SNX29: variants seen among roughly 807,000 people sequenced by gnomAD.
SNX29 encodes the protein sorting nexin-29.
A neutral mutation model predicts 102.1 loss-of-function variants in SNX29; 78 were observed. The ratio of observed to expected loss-of-function variants is 0.76; its 90% CI spans 0.64 to 0.92. The LOEUF (loss-of-function observed/expected upper bound fraction) is 0.92. Among genes scored for constraint, SNX29 ranks in the 40% least tolerant of loss-of-function variants. SNX29 has a pLI of 0.00. For synonymous variants in SNX29, 580 were observed against 414.5 expected, an observed-to-expected ratio of 1.40 and a Z score of -4.85; for missense variants, 1,280 against 1,061.7, an observed-to-expected ratio of 1.21 and a Z score of -2.86.
chr16:12,044,901 A>G (rs148964472), intron 5 of SNX29, among the ~76,000 whole-genome samples: 33 of 152,198 alleles, frequency 2.2e-4, no homozygotes, highest in African/African-American at 7.9e-4. Flanking sequence ...TTTCGAAGTG[A>G]ATTTCTGTGA....
intron 20 of SNX29, among the ~76,000 whole-genome samples, chr16:12,525,465 G>C (rs1156393984): frequency 1.3e-5 from 2 of 152,172 alleles, no homozygotes; most frequent in African/African-American, 2.4e-5. Flanking sequence ...CTGAGGTCGG[G>C]AGTTCGAGAC....
Position 12,353,579 on chromosome 16 carries a change from C to G in SNX29, c.1783-2584C>G, listed in dbSNP as rs113013852. 4.8e-3 allele frequency among the ~76,000 whole-genome samples: 729 copies of G among 152,342 alleles called. 5 individuals are homozygous for G. The highest frequency in any genetic ancestry group is 0.017 in the African/African-American group (707 of 41,568). On this transcript the variant is annotated intron_variant, in intron 15 of 20. Transcript: ENST00000566228. ...CTTGCACCAAGGCCCGATGCCTGAA[C>G]CACCTCTCTCCGCCTCCTCCCTGCC...
chr16:12,158,777 C>G (rs2055661577), intron 13 of SNX29, among the ~76,000 whole-genome samples: 1 of 152,206 alleles, frequency 6.6e-6, no homozygotes. Context: ...AACTTTGAGC[C>G]TGTTTCCTTA....
At chr16:12,556,025 G>C (rs557769558) in intron 20 of SNX29, among the ~76,000 whole-genome samples, 2,290 of 152,202 alleles carry the variant, frequency 0.015, 52 homozygotes, top group African/African-American at 0.052. Flanking sequence ...CTCATGCCAT[G>C]CCACCGTAGT....
chr16:12,549,884 A>G (rs896048871), intron 20 of SNX29, among the ~76,000 whole-genome samples: 2 of 152,262 alleles, frequency 1.3e-5, no homozygotes, highest in Non-Finnish European at 2.9e-5. Context: ...TTCAGACTAG[A>G]ACAGAGATCA....
intron 4 of SNX29, among the ~76,000 whole-genome samples, chr16:12,037,120 G>A (rs1489762071): frequency 3.3e-5 from 5 of 152,010 alleles, no homozygotes; most frequent in African/African-American, 7.2e-5. Context: ...GAACGGGGTC[G>A]GCACACTCCC....
At position 12,568,842 on chromosome 16, in the gene SNX29, C is replaced by G. The variant is rs1196110650; in HGVS notation, c.*213C>G. The G allele has an allele frequency of 5.7e-6, 4 of 699,382 alleles. No homozygotes were observed. The East Asian group carries it at 8.6e-5, about 15-fold the overall frequency. The allele number at this position is 699,382 out of a possible 1,614,324, so 43.3% of individuals were successfully genotyped here. A position where few individuals can be genotyped will look rare whatever the true frequency, so the allele number is the denominator to read the frequency against. On this transcript the variant is annotated 3_prime_UTR_variant, in exon 21 of 21. Coordinates refer to ENST00000566228, the MANE Select transcript of SNX29 (RefSeq NM_032167.5). ...CCCGAGAGACCAAGGCAGCACCTCG[C>G]TGGAGAGACTGGGACACACAGTCCT...
intron 11 of SNX29, among the ~76,000 whole-genome samples, chr16:12,090,478 G>A (rs1310542882): frequency 6.6e-6 from 1 of 152,192 alleles, no homozygotes; most frequent in African/African-American, 2.4e-5. Context: ...AGTTCCTCTT[G>A]AAGTCACATC....
At chr16:12,433,670 G>A (rs1046928357) in intron 18 of SNX29, among the ~76,000 whole-genome samples, 1 of 149,930 alleles carries the variant, frequency 6.7e-6, no homozygotes, top group Non-Finnish European at 1.5e-5. Flanking sequence ...GCTGGGCGTG[G>A]TGGGCGTGGT....
chr16:12,011,189 G>GGT (rs1555518208), intron 3 of SNX29, among the ~76,000 whole-genome samples: 23 of 124,052 alleles, frequency 1.9e-4, no homozygotes, highest in African/African-American at 6.9e-4. Context: ...ATTGCTTGGG[G>GGT]TTTTTTTTTT....
At chr16:12,354,699 A>G (rs982042536) in intron 15 of SNX29, among the ~76,000 whole-genome samples, 5 of 152,108 alleles carry the variant, frequency 3.3e-5, no homozygotes, top group African/African-American at 1.2e-4. Context: ...TGGGGGGTTT[A>G]TGTGATTTCT....
intron 14 of SNX29, among the ~76,000 whole-genome samples, chr16:12,229,602 T>C (rs2077712127): frequency 6.6e-6 from 1 of 151,928 alleles, no homozygotes; most frequent in South Asian, 2.1e-4. Flanking sequence ...TGGTGGGGTT[T>C]TTTTTTTTTG....
intron 14 of SNX29, among the ~76,000 whole-genome samples, chr16:12,212,136 G>A (rs764663966): frequency 3.2e-4 from 48 of 152,096 alleles, no homozygotes; most frequent in Non-Finnish European, 5.6e-4. Flanking sequence ...GCCCAGAGAC[G>A]CCTGCCTATG....
chr16:12,542,457 A>C (rs1174899412), intron 20 of SNX29, among the ~76,000 whole-genome samples: 2 of 152,170 alleles, frequency 1.3e-5, no homozygotes, highest in Non-Finnish European at 2.9e-5. Context: ...TCAGCTTCCC[A>C]AGTAGCTGGG....
chr16:12,445,443 G>A (rs1456777170), intron 18 of SNX29, among the ~76,000 whole-genome samples: 2 of 152,190 alleles, frequency 1.3e-5, no homozygotes, highest in Admixed American at 1.3e-4. Context: ...CTCCCCAGGA[G>A]GCTGGGGCTC....
chr16:12,453,390 C>T (rs183824164), intron 18 of SNX29, among the ~76,000 whole-genome samples: 49 of 152,290 alleles, frequency 3.2e-4, no homozygotes, highest in Non-Finnish European at 4.6e-4. Context: ...TCCTTACTGG[C>T]GGTGTGACCC....
intron 13 of SNX29, among the ~76,000 whole-genome samples, chr16:12,148,454 GT>G (rs58807350): frequency 0.21 from 31,780 of 152,132 alleles, 3,474 homozygotes; most frequent in Middle Eastern, 0.26. Context: ...TTGTTAGGGA[GT>G]TGACGTTAGC....
intron 18 of SNX29, among the ~76,000 whole-genome samples, chr16:12,410,155 TG>T (rs2084338703): frequency 1.3e-5 from 2 of 151,954 alleles, no homozygotes. Flanking sequence ...TCACCACGCC[TG>T]GCTAATTTTT....
chr16:12,272,184 GT>G (rs1401379820), intron 14 of SNX29, among the ~76,000 whole-genome samples: 1 of 152,198 alleles, frequency 6.6e-6, no homozygotes, highest in Non-Finnish European at 1.5e-5. Context: ...CCCCACCAGT[GT>G]TGAAGGTTGC....
Sources: gnomAD v4.1 joint callset for allele counts (sites outside exome capture counted in the v4.1 genomes callset) on GRCh38, gnomAD v4.1.1 for gene constraint, MANE v1.5 for transcripts, NCBI Gene and HGNC (gene_info 2026-07-23, HGNC 2026-07-21) for gene names.